The following CNTRL variants were observed in gnomAD, a reference collection of about 807,000 sequenced individuals.
CNTRL encodes the protein 110 kDa centrosomal protein.
A neutral mutation model predicts 303.7 loss-of-function variants in CNTRL; 233 were observed. The ratio of observed to expected loss-of-function variants is 0.77; its 90% CI spans 0.69 to 0.86. The LOEUF (loss-of-function observed/expected upper bound fraction) is 0.86, where lower values mean the gene tolerates loss of function less well. Among genes scored for constraint, CNTRL ranks in the 40% least tolerant of loss-of-function variants. The probability of loss-of-function intolerance (pLI) is 0.00; values close to 1 mark genes in which losing one functional copy is unlikely to be tolerated. For synonymous variants in CNTRL, 900 were observed against 922.2 expected, an observed-to-expected ratio of 0.98 and a Z score of 0.44; for missense variants, 2,524 against 2,650.6, an observed-to-expected ratio of 0.95 and a Z score of 1.05.
At chr9:121,145,412 C>G (rs1279712014) in intron 22 of CNTRL, 27 bp downstream of exon 22, 2 of 1,576,810 alleles carry the variant, frequency 1.3e-6, no homozygotes, top group East Asian at 2.3e-5. Context: ...TGATTTTTGG[C>G]AGTGGTTTTG....
chr9:121,107,977 A>G lies in CNTRL; in HGVS notation c.984A>G (p.Leu328=). The G allele has an allele frequency of 6.3e-7, 1 of 1,578,194 alleles. No homozygotes were observed. The change falls in exon 8 of 44, where the codon TTA becomes TTG. Residue 328 remains leucine (L), a synonymous_variant. Coordinates refer to ENST00000373855, the MANE Select transcript of CNTRL (RefSeq NM_007018.6). Reference sequence around the variant, plus strand: ...GCTGTGAGGAACTCAAGAGTGACTTAAACACAAAAAATGAATTGGTAAGTT... The same window carrying G: ...GCTGTGAGGAACTCAAGAGTGACTTGAACACAAAAAATGAATTGGTAAGTT... ...KQSCEELKSD[L]NTKNELLKQK...
chr9:121,136,408 C>T (rs1362552973), intron 15 of CNTRL, among the ~76,000 whole-genome samples: 2 of 152,054 alleles, frequency 1.3e-5, no homozygotes, highest in East Asian at 1.9e-4. Flanking sequence ...CTCCTGGGTT[C>T]AAGTGATTTT....
intron 37 of CNTRL, 65 bp downstream of exon 37, chr9:121,167,742 C>T (rs2053151731): frequency 7.0e-7 from 1 of 1,429,308 alleles, no homozygotes; most frequent in Non-Finnish European, 9.6e-7. Context: ...CTATTTTTCC[C>T]CTGGCAGAAA....
chr9:121,125,237 G>C (rs1166366261), intron 13 of CNTRL, among the ~76,000 whole-genome samples: 1 of 148,788 alleles, frequency 6.7e-6, no homozygotes, highest in African/African-American at 2.5e-5. Flanking sequence ...GCGTGATCTT[G>C]GCTCACTGCA....
At chr9:121,108,021 G>C (rs751673699) in intron 8 of CNTRL, 26 bp downstream of exon 8, 1 of 1,486,180 alleles carries the variant, frequency 6.7e-7, no homozygotes, top group East Asian at 2.3e-5. Flanking sequence ...ACATTGCTTT[G>C]GCTGTATTCT....
chr9:121,086,156 C>T (rs974252130), intron 2 of CNTRL, among the ~76,000 whole-genome samples: 2 of 152,114 alleles, frequency 1.3e-5, no homozygotes, highest in African/African-American at 2.4e-5. Flanking sequence ...TGGAAGATAA[C>T]TCTATTCATT....
intron 17 of CNTRL, 135 bp from the exon 18 acceptor site, chr9:121,141,246 G>C (rs935812622): frequency 4.5e-6 from 3 of 668,804 alleles, no homozygotes; most frequent in Non-Finnish European, 7.6e-6. Flanking sequence ...TTAGGAGATG[G>C]TCAGTAAATT....
rs756334967 is a variant in CNTRL, at chr9:121,118,364, G to A, written c.1474G>A (p.Asp492Asn). The change falls in exon 12 of 44, where the codon GAC becomes AAC. Residue 492 changes from aspartate (D) to asparagine (N), a missense_variant. Asp to Asn is a conservative substitution (Grantham distance 23). Coordinates refer to ENST00000373855, the MANE Select transcript of CNTRL (RefSeq NM_007018.6). Reference protein sequence around the residue: ...QLKKISEAGKDLLYKQLSGRL... With the variant: ...QLKKISEAGKNLLYKQLSGRL... ...AGATTAGATTTCAGAAGCAGGGAAA[G>A]ACCTTCTTTACAAGCAGTTGAGTGG... 4 of 1,597,114 alleles carry A rather than the reference G, an allele frequency of 2.5e-6. No individual in the cohort carries two copies. In the South Asian group the frequency reaches 4.5e-5, roughly 18 times the overall value.
At chr9:121,141,688 ATTG>A (rs1438949904) in intron 18 of CNTRL, 100 bp downstream of exon 18, 4 of 1,098,124 alleles carry the variant, frequency 3.6e-6, no homozygotes, top group African/African-American at 1.6e-5. Flanking sequence ...ATACAACATA[ATTG>A]TTGTTATTTT....
At chr9:121,160,416 A>C (rs2052791105) in intron 32 of CNTRL, 114 bp downstream of exon 32, 2 of 659,642 alleles carry the variant, frequency 3.0e-6, no homozygotes, top group Middle Eastern at 3.5e-4. Flanking sequence ...CCTTACTGCT[A>C]ATAAGCAAAG....
At chr9:121,097,212 A>C (rs924194906) in intron 6 of CNTRL, among the ~76,000 whole-genome samples, 1 of 152,114 alleles carries the variant, frequency 6.6e-6, no homozygotes, top group Non-Finnish European at 1.5e-5. Flanking sequence ...AATTTATTTA[A>C]ATTTGTATTA....
At position 121,177,362 on chromosome 9, in the gene CNTRL, T is replaced by C; in HGVS notation, c.*176T>C. The C allele has an allele frequency of 1.8e-6, 1 of 571,020 alleles. No individual in the cohort carries two copies. Among genetic ancestry groups the C allele is most frequent in the Non-Finnish European group, 3.1e-6 (1 of 326,586 alleles). 35.4% of individuals were successfully genotyped at this position (571,020 alleles called of 1,614,324 possible). ...TGCCAATGTTTTTATAAATCACTTG[T>C]ACATAGTACATATGGGAATAGTTGC... On this transcript the variant is annotated 3_prime_UTR_variant, in exon 44 of 44. Transcript: ENST00000373855.
chr9:121,087,749 A>G (rs1383513822), intron 2 of CNTRL, among the ~76,000 whole-genome samples: 8 of 152,146 alleles, frequency 5.3e-5, no homozygotes, highest in Non-Finnish European at 1.5e-5. Flanking sequence ...ATGGGTGTGC[A>G]TTAATTTGTC....
intron 8 of CNTRL, among the ~76,000 whole-genome samples, chr9:121,109,281 TA>T (rs748278188): frequency 6.6e-6 from 1 of 152,258 alleles, no homozygotes; most frequent in East Asian, 1.9e-4. Context: ...ACCATCCTTT[TA>T]AAAAAATATT....
At chr9:121,135,668 T>G in intron 14 of CNTRL, 138 bp from the exon 15 acceptor site, 1 of 669,664 alleles carries the variant, frequency 1.5e-6, no homozygotes, top group African/African-American at 1.8e-5. Flanking sequence ...CTTCGTCATA[T>G]TGCTACTGAA....
At position 121,157,841 on chromosome 9, in the gene CNTRL, T is replaced by C. The variant is rs1564288704; in HGVS notation, c.4598T>C (p.Phe1533Ser). ...NKIVAAKDSD[F>S]QCLSKKKEKL... ...ATTGTAGCAGCAAAAGACTCAGACT[T>C]CCAATGTTTAAGCAAGAAGAAGGAA... The change falls in exon 29 of 44, where the codon TTC (phenylalanine) becomes TCC (serine). Residue 1533 changes from phenylalanine (F) to serine (S), a missense_variant. Phe to Ser is a radical substitution (Grantham distance 155). Transcript: ENST00000373855. The C allele has an allele frequency of 6.2e-7, 1 of 1,614,112 alleles. No individual in the cohort carries two copies. Among genetic ancestry groups the C allele is most frequent in the African/African-American group, 1.3e-5 (1 of 75,016 alleles).
rs757398536 is a variant in CNTRL at position 121,169,763 on chromosome 9, A to G, written c.6223A>G (p.Ser2075Gly). ...AAAGAAAGCTGAGAAGCAGGTGGCC[A>G]GCCTGAAGGAAGCACTTAAGATCCA... Reference protein sequence around the residue: ...ERKKAEKQVASLKEALKIQRS... With the variant: ...ERKKAEKQVAGLKEALKIQRS... Residue 2075 changes from serine to glycine, a missense_variant, in exon 39 of 44, where the codon AGC becomes GGC. Ser to Gly is a moderately conservative substitution (Grantham distance 56, BLOSUM62 0). Transcript: ENST00000373855. The G allele has an allele frequency of 6.2e-7, 1 of 1,614,224 alleles. No homozygotes were observed. The highest frequency in any genetic ancestry group is 8.5e-7 in the Non-Finnish European group (1 of 1,180,028).
chr9:121,157,421 T>A, intron 27 of CNTRL, 49 bp from the exon 28 acceptor site: 1 of 1,589,366 alleles, frequency 6.3e-7, no homozygotes, highest in Non-Finnish European at 8.6e-7. Context: ...CCAGTAGCTG[T>A]GAGTGAGTAT....
Position 121,095,002 on chromosome 9 carries a change from T to G in CNTRL, c.463T>G (p.Ser155Ala), listed in dbSNP as rs201649861. The G allele has an allele frequency of 6.2e-7, 1 of 1,603,676 alleles. No homozygotes were observed. The highest frequency in any genetic ancestry group is 1.3e-5 in the African/African-American group (1 of 74,414). Residue 155 changes from serine (S) to alanine (A), a missense_variant, in exon 5 of 44, where the codon TCA (serine) becomes GCA (alanine). Transcript: ENST00000373855. ...GTTAAAATTACGTGAACTCAACTTA[T>G]CATATAACAAAATCAGGTGAGTTAT... is the stretch of plus-strand genomic sequence containing the variant. Reference protein sequence around the residue: ...KLLKLRELNLSYNKISKIEGI... With the variant: ...KLLKLRELNLAYNKISKIEGI...
Sources: gnomAD v4.1 joint callset for allele counts (sites outside exome capture counted in the v4.1 genomes callset) on GRCh38, gnomAD v4.1.1 for gene constraint, MANE v1.5 for transcripts, NCBI Gene and HGNC (gene_info 2026-07-23, HGNC 2026-07-21) for gene names.